The following EVI5 variants were observed in gnomAD, a reference collection of about 807,000 sequenced individuals.
The protein encoded by EVI5 is ecotropic viral integration site 5.
In EVI5, 73 loss-of-function variants were observed where a neutral mutation model predicts 112.0. The observed-to-expected ratio is 0.65, with a 90% CI of 0.54 to 0.79. The LOEUF (loss-of-function observed/expected upper bound fraction) is 0.79, where lower values mean the gene tolerates loss of function less well. EVI5 is among the 30% of genes least tolerant of loss of function. The pLI, the probability that EVI5 is intolerant of heterozygous loss-of-function variation, is 0.00. For missense variants in EVI5, 900 were observed against 968.8 expected, an observed-to-expected ratio of 0.93 and a Z score of 0.94; for synonymous variants, 305 against 319.9, an observed-to-expected ratio of 0.95 and a Z score of 0.50.
At chr1:92,756,396 T>A (rs917610262) in intron 1 of EVI5, 1 of 534,808 alleles carries the variant, frequency 1.9e-6, no homozygotes, top group African/African-American at 1.9e-5. Flanking sequence ...TACCCCTTTC[T>A]AAATTATGCA....
chr1:92,691,717 T>C (rs1037113777), intron 9 of EVI5, among the ~76,000 whole-genome samples: 1 of 151,810 alleles, frequency 6.6e-6, no homozygotes, highest in Non-Finnish European at 1.5e-5. Context: ...GAGATGGAAA[T>C]GAGTAACATC....
At chr1:92,733,066 AAAG>A (rs1676754660) in intron 2 of EVI5, 2 of 212,664 alleles carry the variant, frequency 9.4e-6, no homozygotes, top group Non-Finnish European at 1.0e-5. Flanking sequence ...TAAAAAAAAA[AAAG>A]AAAAAAAAAA....
chr1:92,548,394 C>T (rs949572565), intron 19 of EVI5, among the ~76,000 whole-genome samples: 14 of 152,186 alleles, frequency 9.2e-5, no homozygotes, highest in African/African-American at 3.1e-4. Flanking sequence ...CAATATCATA[C>T]TGAATGGACA....
chr1:92,759,146 T>C (rs1380836910), intron 1 of EVI5, among the ~76,000 whole-genome samples: 1 of 151,974 alleles, frequency 6.6e-6, no homozygotes, highest in Non-Finnish European at 1.5e-5. Flanking sequence ...CTGCTTGAGC[T>C]CAGGGGGCAG....
chr1:92,706,932 AG>A (rs578111449), intron 2 of EVI5, among the ~76,000 whole-genome samples: 70 of 152,316 alleles, frequency 4.6e-4, no homozygotes, highest in African/African-American at 1.6e-3. Context: ...CTGTAATCCC[AG>A]CACTTTGGGA....
chr1:92,647,739 A>T, intron 13 of EVI5: 2 of 172,280 alleles, frequency 1.2e-5, no homozygotes, highest in Non-Finnish European at 2.5e-5. Context: ...GGTCAATAAC[A>T]TTTTTTGAGG....
At chr1:92,727,128 C>A (rs1675688853) in intron 2 of EVI5, among the ~76,000 whole-genome samples, 1 of 152,008 alleles carries the variant, frequency 6.6e-6, no homozygotes, top group South Asian at 2.1e-4. Flanking sequence ...CTTATTGTAT[C>A]CATCATAATG....
chr1:92,688,086 A>G (rs1668865633), intron 9 of EVI5, among the ~76,000 whole-genome samples: 1 of 152,226 alleles, frequency 6.6e-6, no homozygotes, highest in African/African-American at 2.4e-5. Context: ...ATGCACATGT[A>G]TATTTATTGC....
intron 18 of EVI5, among the ~76,000 whole-genome samples, chr1:92,587,219 G>A (rs1672947344): frequency 6.6e-6 from 1 of 152,058 alleles, no homozygotes; most frequent in Non-Finnish European, 1.5e-5. Flanking sequence ...AGCAGTCTAT[G>A]TACGTATTTT....
intron 14 of EVI5, among the ~76,000 whole-genome samples, chr1:92,629,821 C>T (rs1271361664): frequency 7.9e-6 from 1 of 126,860 alleles, no homozygotes; most frequent in African/African-American, 2.9e-5. Context: ...CCACCCTCCC[C>T]CCACCCCAAA....
intron 2 of EVI5, among the ~76,000 whole-genome samples, chr1:92,705,631 T>C (rs1671842444): frequency 1.3e-5 from 2 of 152,186 alleles, no homozygotes; most frequent in South Asian, 4.1e-4. Flanking sequence ...TCCTTATCTG[T>C]TGAAAGAAGG....
intron 13 of EVI5, among the ~76,000 whole-genome samples, chr1:92,653,448 T>C (rs1475027276): frequency 6.6e-6 from 1 of 152,222 alleles, no homozygotes; most frequent in African/African-American, 2.4e-5. Context: ...GTGGGCACTG[T>C]GCTTGGCTCT....
At chr1:92,558,112 G>C (rs2100834814) in intron 19 of EVI5, among the ~76,000 whole-genome samples, 1 of 152,270 alleles carries the variant, frequency 6.6e-6, no homozygotes, top group East Asian at 1.9e-4. Context: ...TAACTACGCT[G>C]AAATGATCCC....
At chr1:92,736,349 G>T in intron 2 of EVI5, 49 bp downstream of exon 2, 1 of 1,232,084 alleles carries the variant, frequency 8.1e-7, no homozygotes, top group Non-Finnish European at 1.2e-6. Flanking sequence ...AAATATGAAT[G>T]GCTGGATTTG....
chr1:92,701,062 T>C (rs1671081350), intron 5 of EVI5: 1 of 152,220 alleles, frequency 6.6e-6, no homozygotes, highest in African/African-American at 2.4e-5. Context: ...TGTGTTCTTA[T>C]ATATGCTGTA....
At chr1:92,658,390 T>G (rs1413156556) in intron 13 of EVI5, among the ~76,000 whole-genome samples, 1 of 152,176 alleles carries the variant, frequency 6.6e-6, no homozygotes, top group South Asian at 2.1e-4. Flanking sequence ...CATTAAAGTT[T>G]CATAAAACCA....
chr1:92,717,676 T>C (rs1187361756), intron 2 of EVI5, among the ~76,000 whole-genome samples: 2 of 152,026 alleles, frequency 1.3e-5, no homozygotes, highest in African/African-American at 2.4e-5. Context: ...AATGACAGGA[T>C]CAAATTCACA....
intron 11 of EVI5, 43 bp downstream of exon 11, chr1:92,665,893 ACAC>A: frequency 7.5e-7 from 1 of 1,327,494 alleles, no homozygotes; most frequent in South Asian, 1.3e-5. Flanking sequence ...TACAGAAAAA[ACAC>A]CAGGCATTCA....
Position 92,691,968 on chromosome 1 carries a change from T to C in EVI5, c.1097+1834A>G, listed in dbSNP as rs533908352. Among the ~76,000 whole-genome samples the C allele has an allele frequency of 2.4e-4, 36 of 152,192 alleles. 1 individual carries two copies. The highest frequency in any genetic ancestry group is 8.7e-4 in the African/African-American group (36 of 41,540). ...TGAGGAATGAGATAATTAATCAAAG[T>C]CAATATAAATATACATGGAAGGCCA... On this transcript the variant is annotated intron_variant, in intron 9 of 19. Coordinates refer to ENST00000684568, the MANE Select transcript of EVI5 (RefSeq NM_001350197.2).
Sources: gnomAD v4.1 joint callset for allele counts (sites outside exome capture counted in the v4.1 genomes callset) on GRCh38, gnomAD v4.1.1 for gene constraint, MANE v1.5 for transcripts, NCBI Gene and HGNC (gene_info 2026-07-23, HGNC 2026-07-21) for gene names.